Variants in RARB observed in about 807,000 individuals in gnomAD.
RARB encodes the protein retinoic acid receptor beta.
Under a neutral mutation model 51.9 loss-of-function variants are expected in RARB, and 17 were observed. The ratio of observed to expected loss-of-function variants is 0.33; its 90% confidence interval spans 0.22 to 0.49. RARB has a LOEUF of 0.49. Among genes scored for constraint, RARB ranks in the 20% least tolerant of loss-of-function variants. RARB has a pLI of 0.99. For synonymous variants in RARB, 215 were observed against 195.4 expected (o/e 1.10, Z -0.84); for missense variants, 369 against 550.8 (o/e 0.67, Z 3.30).
chr3:25,371,419 G>C (rs1229906551), intron 5 of RARB, among the ~76,000 whole-genome samples: 1 of 152,206 alleles, frequency 6.6e-6, no homozygotes, highest in Non-Finnish European at 1.5e-5. Context: ...TTGGGAGATG[G>C]TGCTGGCAGG....
At chr3:25,162,968 T>G (rs568547290) in intron 4 of RARB, among the ~76,000 whole-genome samples, 1 of 152,220 alleles carries the variant, frequency 6.6e-6, no homozygotes, top group African/African-American at 2.4e-5. Flanking sequence ...ATATGGTAGT[T>G]CCATGTTTAA....
chr3:24,945,939 T>A (rs551776464), intron 2 of RARB, among the ~76,000 whole-genome samples: 3 of 152,330 alleles, frequency 2.0e-5, no homozygotes, highest in African/African-American at 7.2e-5. Context: ...ATTCACTGAC[T>A]CTAATGTCTC....
At chr3:24,982,269 A>G (rs73820369) in intron 2 of RARB, among the ~76,000 whole-genome samples, 19,703 of 152,194 alleles carry the variant, frequency 0.13, 1,454 homozygotes, top group Non-Finnish European at 0.17. Context: ...ACTCTGAACC[A>G]GGTGGGCTAC....
At chr3:24,989,812 A>T (rs1696873218) in intron 2 of RARB, among the ~76,000 whole-genome samples, 1 of 18,214 alleles carries the variant, frequency 5.5e-5, no homozygotes, top group Non-Finnish European at 9.1e-5. Flanking sequence ...TTTTTTTTTG[A>T]GACGGAGTCT....
chr3:24,830,909 GAAGAA>G (rs1702273800), intron 1 of RARB, among the ~76,000 whole-genome samples: 2 of 152,162 alleles, frequency 1.3e-5, no homozygotes, highest in South Asian at 4.1e-4. Flanking sequence ...AGGAGAAGAA[GAAGAA>G]AAGAGCCCTG....
chr3:25,088,061 AC>A (rs1313187479), intron 3 of RARB, among the ~76,000 whole-genome samples: 1 of 151,992 alleles, frequency 6.6e-6, no homozygotes, highest in Non-Finnish European at 1.5e-5. Context: ...TAGCAAAGAA[AC>A]CAAAAATAAG....
At chr3:24,907,574 G>C (rs550359651) in intron 2 of RARB, among the ~76,000 whole-genome samples, 2 of 152,300 alleles carry the variant, frequency 1.3e-5, no homozygotes, top group South Asian at 4.1e-4. Flanking sequence ...GAGAAGCTGA[G>C]TGGAAGTATG....
At chr3:24,844,398 C>T (rs1427380428) in intron 1 of RARB, among the ~76,000 whole-genome samples, 1 of 152,202 alleles carries the variant, frequency 6.6e-6, no homozygotes, top group Non-Finnish European at 1.5e-5. Context: ...TACAATGGCA[C>T]TGCACCAGGA....
intron 3 of RARB, among the ~76,000 whole-genome samples, chr3:25,531,714 T>C (rs1698928637): frequency 7.9e-6 from 1 of 127,370 alleles, no homozygotes; most frequent in Non-Finnish European, 1.6e-5. Flanking sequence ...GAAAAAGATA[T>C]AGACACTTTA....
upstream of RARB, among the ~76,000 whole-genome samples, chr3:25,425,393 T>A (rs1044466016): frequency 6.6e-6 from 1 of 152,212 alleles, no homozygotes; most frequent in African/African-American, 2.4e-5. Flanking sequence ...AAGAAATAAT[T>A]AGCATGTGGC....
chr3:25,110,420 T>A (rs1699582869), intron 3 of RARB, among the ~76,000 whole-genome samples: 1 of 152,178 alleles, frequency 6.6e-6, no homozygotes, highest in Admixed American at 6.5e-5. Flanking sequence ...ACTCAGTGAG[T>A]TAAGTGGAGG....
At chr3:24,914,500 C>T (rs894714801) in intron 2 of RARB, among the ~76,000 whole-genome samples, 1 of 152,080 alleles carries the variant, frequency 6.6e-6, no homozygotes, top group Non-Finnish European at 1.5e-5. Context: ...TAAAGTACAG[C>T]CGATCTTCAG....
In RARB at chr3:25,523,106, A is replaced by G. The variant is rs531131223; in HGVS notation, c.448+21783A>G. 1.8e-4 allele frequency among the ~76,000 whole-genome samples: 27 copies of G among 152,338 alleles called. No homozygotes were observed. In the South Asian group the frequency reaches 2.9e-3, roughly 16 times the overall value. On this transcript the variant is annotated intron_variant, in intron 3 of 7. Coordinates refer to ENST00000330688, the MANE Select transcript of RARB (RefSeq NM_000965.5). ...TCAACACACAGTGGAATCACAGCCA[A>G]TATGTGCCCAAATGTATTGAGAATA...
chr3:25,025,202 C>T (rs1697722278), intron 2 of RARB: 2 of 152,142 alleles, frequency 1.3e-5, no homozygotes, highest in African/African-American at 4.8e-5. Flanking sequence ...GGAATTAGAA[C>T]ATTTTCATCT....
chr3:24,944,876 T>C (rs1017181395), intron 2 of RARB, among the ~76,000 whole-genome samples: 2 of 152,176 alleles, frequency 1.3e-5, no homozygotes, highest in Admixed American at 6.5e-5. Context: ...AAAGTAGATA[T>C]GAAGATAATA....
chr3:25,466,476 G>A (rs370245156), intron 2 of RARB, among the ~76,000 whole-genome samples: 32 of 152,324 alleles, frequency 2.1e-4, no homozygotes, highest in East Asian at 7.7e-4. Context: ...GATTACAGGC[G>A]TGAGCCACCG....
intron 5 of RARB, among the ~76,000 whole-genome samples, chr3:25,340,902 CTGAG>C (rs780386024): frequency 6.6e-6 from 1 of 152,152 alleles, no homozygotes; most frequent in Non-Finnish European, 1.5e-5. Context: ...GTGAGGTTAT[CTGAG>C]TGAGTACAGA....
intron 5 of RARB, among the ~76,000 whole-genome samples, chr3:25,218,840 A>G (rs1228063492): frequency 6.6e-6 from 1 of 151,676 alleles, no homozygotes; most frequent in Non-Finnish European, 1.5e-5. Flanking sequence ...GCCAGGACTA[A>G]CACTCGACTT....
At chr3:25,053,811 G>A (rs1001545706) in intron 2 of RARB, among the ~76,000 whole-genome samples, 6 of 152,184 alleles carry the variant, frequency 3.9e-5, no homozygotes, top group Non-Finnish European at 7.4e-5. Flanking sequence ...TAGGGTTTAT[G>A]AGGAAGGCTA....
Sources: allele counts gnomAD v4.1 joint callset (sites outside exome capture counted in the v4.1 genomes callset), GRCh38; gene constraint gnomAD v4.1.1; transcripts MANE v1.5; gene names NCBI Gene and HGNC (gene_info 2026-07-23, HGNC 2026-07-21).